Variants in SMG1 observed in about 807,000 individuals in gnomAD.
The protein encoded by SMG1 is serine/threonine-protein kinase SMG1.
A neutral mutation model predicts 419.9 loss-of-function variants in SMG1; 22 were observed. That is an observed-to-expected ratio of 0.05 (90% CI 0.04 to 0.07). The LOEUF (loss-of-function observed/expected upper bound fraction) is 0.07, where lower values mean the gene tolerates loss of function less well. SMG1 is among the 10% of genes least tolerant of loss of function. The pLI, the probability that SMG1 is intolerant of heterozygous loss-of-function variation, is 1.00. For missense variants in SMG1, 3,185 were observed against 4,342.0 expected, an observed-to-expected ratio of 0.73 and a Z score of 7.49; for synonymous variants, 1,538 against 1,553.5, an observed-to-expected ratio of 0.99 and a Z score of 0.23.
At chr16:18,837,755 A>ATT (rs1200241583) in intron 45 of SMG1, among the ~76,000 whole-genome samples, 1 of 152,170 alleles carries the variant, frequency 6.6e-6, no homozygotes, top group African/African-American at 2.4e-5. Flanking sequence ...TGGTAAACAC[A>ATT]TTTCAATAAT....
At chr16:18,907,368 A>T (rs940342248) in intron 1 of SMG1, among the ~76,000 whole-genome samples, 18 of 151,660 alleles carry the variant, frequency 1.2e-4, no homozygotes, top group South Asian at 1.0e-3. Flanking sequence ...TTATTTATTT[A>T]TTTTTTAATT....
Position 18,811,776 on chromosome 16 carries a change from C to T in SMG1, c.10893G>A (p.Met3631Ile), listed in dbSNP as rs753930805. ...EGRDVDPNRR[M>I]SVAEQVDYVI... ...ACACGGTCACCTGTTCAGCAACTGACATCCTCCTATTCGGATCAACATCTC... is the reference window on the plus strand; with the variant it reads ...ACACGGTCACCTGTTCAGCAACTGATATCCTCCTATTCGGATCAACATCTC... Residue 3631 changes from methionine (M) to isoleucine (I), a missense_variant, in exon 62 of 63, where the codon ATG becomes ATA. Transcript: ENST00000446231. The T allele has an allele frequency of 2.5e-6, 4 of 1,613,976 alleles. No individual in the cohort carries two copies. Among genetic ancestry groups the T allele is most frequent in the African/African-American group, 1.3e-5 (1 of 75,058 alleles).
rs796869784 is a variant in SMG1, at chr16:18,833,960, TTGA to T, written c.8565+241_8565+243del. Among the ~76,000 whole-genome samples the T allele has an allele frequency of 4.6e-5, 7 of 152,348 alleles. 1 individual carries two copies. Among genetic ancestry groups the T allele is most frequent in the African/African-American group, 1.7e-4 (7 of 41,576 alleles). ...GGATGTACCATATTTGTCCATTTGC[TTGA>T]TGAACACTTGACTTGATTCCAGTTT... On this transcript the variant is annotated intron_variant, in intron 50 of 62. Coordinates refer to ENST00000446231, the MANE Select transcript of SMG1 (RefSeq NM_015092.5).
At chr16:18,854,184 T>C (rs2034770223) in intron 30 of SMG1, among the ~76,000 whole-genome samples, 1 of 143,278 alleles carries the variant, frequency 7.0e-6, no homozygotes, top group African/African-American at 2.6e-5. Flanking sequence ...CTTCCCAGGC[T>C]CAAGCAATTC....
Position 18,866,784 on chromosome 16 carries a change from G to C in SMG1, c.3196-9C>G. ...ACTTCCAATTCATTCCCCTGAAAAC[G>C]CATTCAGAAAAATTAGTCACCCAAT... On this transcript the variant is annotated splice_polypyrimidine_tract_variant and intron_variant, in intron 22 of 62. Coordinates refer to ENST00000446231, the MANE Select transcript of SMG1 (RefSeq NM_015092.5). The C allele has an allele frequency of 6.3e-7, 1 of 1,596,310 alleles. No individual in the cohort carries two copies. The highest frequency in any genetic ancestry group is 1.7e-5 in the Admixed American group (1 of 59,988).
chr16:18,825,437 CT>C (rs2032685830), intron 55 of SMG1, among the ~76,000 whole-genome samples: 1 of 2,114 alleles, frequency 4.7e-4, no homozygotes, highest in Non-Finnish European at 9.3e-4. Context: ...TTCAGGAGCT[CT>C]TTTAGGGCAG....
chr16:18,834,575 G>T, intron 49 of SMG1, 137 bp from the exon 50 acceptor site: 1 of 789,128 alleles, frequency 1.3e-6, no homozygotes, highest in Non-Finnish European at 2.0e-6. Context: ...CCAGGAGTTC[G>T]AGACCAGCCT....
At chr16:18,834,865 G>C in intron 49 of SMG1, 27 bp downstream of exon 49, 2 of 1,600,362 alleles carry the variant, frequency 1.2e-6, no homozygotes, top group Non-Finnish European at 1.7e-6. Context: ...CACAGGAAAT[G>C]GTCCAATATG....
At chr16:18,841,492 T>G in intron 41 of SMG1, 73 bp downstream of exon 41, 1 of 1,397,814 alleles carries the variant, frequency 7.2e-7, no homozygotes, top group Admixed American at 1.8e-5. Context: ...GCAAAAATGG[T>G]CCAGTAAGTC....
In SMG1 at chr16:18,859,528, A is replaced by G. The variant is rs766501434; in HGVS notation, c.3953+28T>C. Reference sequence around the variant, plus strand: ...GTTTATCACATGATATACACAATGTACATTTACCTCCGTAAGAGTAAACTT... The same window carrying G: ...GTTTATCACATGATATACACAATGTGCATTTACCTCCGTAAGAGTAAACTT... On this transcript the variant is annotated intron_variant, in intron 27 of 62. Transcript: ENST00000446231. 6 of 1,248,392 alleles carry G rather than the reference A, an allele frequency of 4.8e-6. No homozygotes were observed. In the Admixed American group the frequency reaches 1.2e-4, roughly 25 times the overall value. The allele number at this position is 1,248,392 out of a possible 1,614,324, so 77.3% of individuals were successfully genotyped here. A position where few individuals can be genotyped will look rare whatever the true frequency, so the allele number is the denominator to read the frequency against.
At position 18,819,630 on chromosome 16, in the gene SMG1, T is replaced by C; in HGVS notation, c.9766A>G (p.Ser3256Gly). 1 of 1,581,504 alleles carries C rather than the reference T, an allele frequency of 6.3e-7. No individual in the cohort carries two copies. The highest frequency in any genetic ancestry group is 2.3e-5 in the East Asian group (1 of 43,872). The change falls in exon 56 of 63, where the codon AGT becomes GGT. Residue 3256 changes from serine to glycine, a missense_variant. By Grantham distance (56) the Ser-to-Gly change is moderately conservative. Coordinates refer to ENST00000446231, the MANE Select transcript of SMG1 (RefSeq NM_015092.5). The part of the protein sequence containing the change: ...VQEKLAALES[S>G]IEQRLKWAGG... ...GCCCACTTGAGTCGCTGTTCAATAC[T>C]TGATTCAAGTGCAGCTAGCTTCTCC...
intron 1 of SMG1, among the ~76,000 whole-genome samples, chr16:18,902,378 T>C (rs770353679): frequency 6.6e-6 from 1 of 152,132 alleles, no homozygotes; most frequent in Non-Finnish European, 1.5e-5. Context: ...CAATGAGTTC[T>C]AGTGAGTCCT....
rs2034469438 is a variant in SMG1 at position 18,849,448 on chromosome 16, G to C, written c.5462-70C>G. On this transcript the variant is annotated intron_variant, in intron 35 of 62. Coordinates refer to ENST00000446231, the MANE Select transcript of SMG1 (RefSeq NM_015092.5). ...CTATGAAGAAACTATCAGCATCGTA[G>C]ATCAAACAGATAAAACGTGATGTGT... The C allele has an allele frequency of 2.1e-6, 3 of 1,412,086 alleles. No homozygotes were observed. The African/African-American group carries it at 4.3e-5, about 20-fold the overall frequency. The allele number at this position is 1,412,086 out of a possible 1,614,324, so 87.5% of individuals were successfully genotyped here.
At chr16:18,842,594 G>A (rs2033986715) in intron 39 of SMG1, 140 bp from the exon 40 acceptor site, 2 of 753,376 alleles carry the variant, frequency 2.7e-6, no homozygotes, top group East Asian at 2.7e-5. Flanking sequence ...GGAGGCCGAG[G>A]TAGGCAGATC....
chr16:18,879,505 A>G lies in SMG1; in HGVS notation c.1508T>C (p.Leu503Ser). Residue 503 changes from leucine to serine, a missense_variant, in exon 11 of 63, where the codon TTA becomes TCA. Leu to Ser is a moderately radical substitution (Grantham distance 145, BLOSUM62 -2). Coordinates refer to ENST00000446231, the MANE Select transcript of SMG1 (RefSeq NM_015092.5). ...GTDYIISVLN[L>S]LTLIVEQINT... ...GAATAATTCACATACCAGCGTGAGT[A>G]AATTCAAGACTGAGATGATATAATC... The G allele has an allele frequency of 1.2e-6, 1 of 867,476 alleles. No individual in the cohort carries two copies. The highest frequency in any genetic ancestry group is 1.9e-6 in the Non-Finnish European group (1 of 538,196). 53.7% of individuals were successfully genotyped at this position (867,476 alleles called of 1,614,324 possible).
At position 18,886,569 on chromosome 16, in the gene SMG1, G is replaced by A. The variant is rs185672788; in HGVS notation, c.823-903C>T. Among the ~76,000 whole-genome samples, 1,107 of 152,270 alleles carry A rather than the reference G, an allele frequency of 7.3e-3. 36 individuals are homozygous for A. Among genetic ancestry groups the A allele is most frequent in the Admixed American group, 0.042 (647 of 15,286 alleles). On this transcript the variant is annotated intron_variant, in intron 6 of 62. Transcript: ENST00000446231. ...TGTAACCCCAACACTTTGGGAGGAC[G>A]AGGCAGGTGGATCACTTGAGGTCAG...
intron 39 of SMG1, 80 bp from the exon 40 acceptor site, chr16:18,842,534 G>A: frequency 7.0e-7 from 1 of 1,437,066 alleles, no homozygotes; most frequent in South Asian, 1.3e-5. Flanking sequence ...TGGCATAAAA[G>A]TAAATTTTAG....
At chr16:18,904,136 AC>A (rs1031545455) in intron 1 of SMG1, among the ~76,000 whole-genome samples, 2 of 148,964 alleles carry the variant, frequency 1.3e-5, no homozygotes, top group African/African-American at 4.9e-5. Flanking sequence ...ACGGGGTTTC[AC>A]CATGTTAGCC....
At position 18,860,424 on chromosome 16, in the gene SMG1, C is replaced by G. The variant is rs1312563652; in HGVS notation, c.3805+243G>C. ...AAACACTACTTTGTCCTTTATCAAA[C>G]AAAATGGCTAGATAAATCTCAAAGT... On this transcript the variant is annotated intron_variant, in intron 26 of 62. Coordinates refer to ENST00000446231, the MANE Select transcript of SMG1 (RefSeq NM_015092.5). 3.3e-5 allele frequency among the ~76,000 whole-genome samples: 5 copies of G among 152,116 alleles called. 1 individual carries two copies. In the South Asian group the frequency reaches 8.3e-4, roughly 25 times the overall value.
Sources: allele counts gnomAD v4.1 joint callset (sites outside exome capture counted in the v4.1 genomes callset), GRCh38; gene constraint gnomAD v4.1.1; transcripts MANE v1.5; gene names NCBI Gene and HGNC (gene_info 2026-07-23, HGNC 2026-07-21).